Variants in ASPRV1 observed in about 807,000 individuals in gnomAD.
ASPRV1 encodes retroviral-like aspartic protease 1.
ASPRV1 carries 7 observed loss-of-function variants against 11.0 expected under a neutral mutation model. That is an observed-to-expected ratio of 0.64 (90% CI 0.36 to 1.20). The LOEUF (loss-of-function observed/expected upper bound fraction) is 1.20. Among genes scored for constraint, ASPRV1 ranks in the 50% most tolerant of loss-of-function variants. The pLI is 0.02. For missense variants in ASPRV1, 299 were observed against 320.0 expected (o/e 0.93, Z 0.50); for synonymous variants, 136 against 138.4 (o/e 0.98, Z 0.12).
At chr2:69,981,092 T>C in the ASPRV1 span, among the ~76,000 whole-genome samples, 1 of 152,202 alleles carries the variant, frequency 6.6e-6, no homozygotes, top group African/African-American at 2.4e-5. Context: ...TATTTTAAAA[T>C]AAAAGGTCTT....
chr2:70,040,478 A>G, the ASPRV1 span, among the ~76,000 whole-genome samples: 1 of 152,110 alleles, frequency 6.6e-6, no homozygotes, highest in African/African-American at 2.4e-5. Context: ...GCAACCTGAG[A>G]CTTTCCCTAA....
chr2:70,002,346 GGTTT>G, the ASPRV1 span, among the ~76,000 whole-genome samples: 1 of 152,158 alleles, frequency 6.6e-6, no homozygotes, highest in Non-Finnish European at 1.5e-5. Flanking sequence ...GACTGGGTAA[GGTTT>G]GTGTCTCACA....
rs775218716 is a variant in ASPRV1, at chr2:69,961,433, C to G, written c.4G>C (p.Ala2Pro). Residue 2 changes from alanine to proline, a missense_variant, in exon 1 of 1, where the codon GCC (alanine) becomes CCC (proline). Transcript: ENST00000320256. ...TCCTCACTCCTGGCTCCGCTCCCGG[C>G]CATCCTGCTGCTCTCCTCTGGAACC... Reference protein sequence around the residue: MAGSGARSEEGR... With the variant: MPGSGARSEEGR... 4 of 1,613,968 alleles carry G rather than the reference C, an allele frequency of 2.5e-6. No homozygotes were observed. In the South Asian group the frequency reaches 4.4e-5, roughly 18 times the overall value.
chr2:70,052,620 C>T, the ASPRV1 span, among the ~76,000 whole-genome samples: 2 of 152,180 alleles, frequency 1.3e-5, no homozygotes, highest in Non-Finnish European at 2.9e-5. Flanking sequence ...ATCTACACAC[C>T]TCCTCAAGTT....
At chr2:70,035,629 CT>C in the ASPRV1 span, among the ~76,000 whole-genome samples, 1 of 150,054 alleles carries the variant, frequency 6.7e-6, no homozygotes, top group Non-Finnish European at 1.5e-5. Flanking sequence ...AACACTGACC[CT>C]GTTGATTCTG....
chr2:69,966,908 A>C, the ASPRV1 span, among the ~76,000 whole-genome samples: 1 of 152,180 alleles, frequency 6.6e-6, no homozygotes, highest in Admixed American at 6.5e-5. Flanking sequence ...TCCCTCTGGC[A>C]TGTCAAAGTG....
chr2:69,973,127 T>C, the ASPRV1 span, among the ~76,000 whole-genome samples: 3 of 152,172 alleles, frequency 2.0e-5, no homozygotes, highest in Non-Finnish European at 4.4e-5. Flanking sequence ...TGATAAATTT[T>C]ATTGACATAA....
At chr2:69,984,918 G>A in the ASPRV1 span, among the ~76,000 whole-genome samples, 4 of 150,112 alleles carry the variant, frequency 2.7e-5, no homozygotes, top group East Asian at 5.8e-4. Flanking sequence ...GGGCAGTGGC[G>A]CAATCTCGGC....
the ASPRV1 span, among the ~76,000 whole-genome samples, chr2:69,973,492 T>C: frequency 6.6e-6 from 1 of 152,284 alleles, no homozygotes; most frequent in African/African-American, 2.4e-5. Flanking sequence ...CTGCCTCAGA[T>C]AGTGCACACC....
chr2:69,948,853 G>A, the ASPRV1 span, among the ~76,000 whole-genome samples: 2 of 152,082 alleles, frequency 1.3e-5, no homozygotes, highest in Non-Finnish European at 2.9e-5. Context: ...CTCCCCCGCG[G>A]CGGGTCCCCA....
At chr2:69,977,443 GATGCTGTCGA>G in the ASPRV1 span, among the ~76,000 whole-genome samples, 13 of 152,282 alleles carry the variant, frequency 8.5e-5, no homozygotes, top group African/African-American at 2.4e-4. Flanking sequence ...AGTTGTGTAA[GATGCTGTCGA>G]AAGATCACGG....
chr2:70,081,534 G>C, the ASPRV1 span: 2 of 151,534 alleles, frequency 1.3e-5, no homozygotes, highest in Non-Finnish European at 2.9e-5. Context: ...ATTTCCAACT[G>C]TAGTAACCTA....
chr2:69,959,703 C>T (rs1346878722), downstream of ASPRV1, among the ~76,000 whole-genome samples: 2 of 152,188 alleles, frequency 1.3e-5, no homozygotes. Context: ...TCCAAGTTCT[C>T]GCTCCTGGAC....
the ASPRV1 span, among the ~76,000 whole-genome samples, chr2:70,028,039 G>A: frequency 4.6e-5 from 7 of 152,134 alleles, no homozygotes; most frequent in Non-Finnish European, 8.8e-5. Flanking sequence ...TGTAATTAAA[G>A]GTCCCTAAGA....
the ASPRV1 span, chr2:69,935,202 C>T: frequency 1.6e-6 from 1 of 627,474 alleles, no homozygotes; most frequent in Non-Finnish European, 2.9e-6. Flanking sequence ...TTGTCTGGTT[C>T]AAAATATGTT....
the ASPRV1 span, among the ~76,000 whole-genome samples, chr2:70,058,856 A>AT: frequency 0.025 from 3,219 of 130,328 alleles, 120 homozygotes; most frequent in African/African-American, 0.086. Context: ...CTGGCCAGAA[A>AT]TTTTTTTTTA....
chr2:70,041,335 T>C, the ASPRV1 span, among the ~76,000 whole-genome samples: 9 of 152,238 alleles, frequency 5.9e-5, no homozygotes, highest in African/African-American at 2.2e-4. Flanking sequence ...GGGAAGTAAC[T>C]GGCTTGCTCT....
the ASPRV1 span, among the ~76,000 whole-genome samples, chr2:69,996,495 C>A: frequency 6.6e-6 from 1 of 152,168 alleles, no homozygotes; most frequent in African/African-American, 2.4e-5. Flanking sequence ...CCAGTAGCTA[C>A]TTCATGGAAC....
chr2:69,982,636 G>C, the ASPRV1 span, among the ~76,000 whole-genome samples: 2 of 152,112 alleles, frequency 1.3e-5, no homozygotes, highest in Admixed American at 6.6e-5. Flanking sequence ...GACGCACCTG[G>C]GTGAGGACAG....
Sources: allele counts gnomAD v4.1 joint callset (sites outside exome capture counted in the v4.1 genomes callset), GRCh38; gene constraint gnomAD v4.1.1; transcripts MANE v1.5; gene names NCBI Gene and HGNC (gene_info 2026-07-23, HGNC 2026-07-21).